The following ZNF18 variants were observed in gnomAD, a reference collection of about 807,000 sequenced individuals.
ZNF18 encodes the protein zinc finger protein 18.
Under a neutral mutation model 58.1 loss-of-function variants are expected in ZNF18, and 42 were observed. The observed-to-expected ratio is 0.72, with a 90% CI of 0.56 to 0.93. The LOEUF (loss-of-function observed/expected upper bound fraction) is 0.93, where lower values mean the gene tolerates loss of function less well. ZNF18 is among the 40% of genes least tolerant of loss of function. The pLI is 0.00. For missense variants in ZNF18, 540 were observed against 644.2 expected (o/e 0.84, Z 1.75); for synonymous variants, 231 against 239.8 (o/e 0.96, Z 0.34).
At chr17:11,996,824 C>G (rs942363996) in intron 1 of ZNF18, 1 of 152,190 alleles carries the variant, frequency 6.6e-6, no homozygotes, top group African/African-American at 2.4e-5. Context: ...GTGTACAGAT[C>G]AGGAACCTCC....
At chr17:11,993,976 A>G (rs1968308182) in intron 1 of ZNF18, among the ~76,000 whole-genome samples, 1 of 152,138 alleles carries the variant, frequency 6.6e-6, no homozygotes, top group Non-Finnish European at 1.5e-5. Context: ...GAAATATTAA[A>G]TCGCAAATAA....
intron 6 of ZNF18, among the ~76,000 whole-genome samples, chr17:11,982,257 G>A (rs1248957827): frequency 3.3e-5 from 5 of 152,168 alleles, no homozygotes; most frequent in Non-Finnish European, 7.3e-5. Context: ...GGCAGTAATC[G>A]ATATATTAAT....
chr17:11,991,251 A>C, intron 2 of ZNF18, 88 bp from the exon 3 acceptor site: 68 of 1,158,622 alleles, frequency 5.9e-5, no homozygotes, highest in Non-Finnish European at 7.4e-5. Context: ...ACAACAGATC[A>C]TAAGACAATT....
At chr17:11,979,121 A>T (rs1597944090) in intron 6 of ZNF18, among the ~76,000 whole-genome samples, 1 of 142,172 alleles carries the variant, frequency 7.0e-6, no homozygotes, top group Non-Finnish European at 1.6e-5. Flanking sequence ...AAAGATAAAT[A>T]TGGTAACTAA....
chr17:11,992,638 C>A lies in ZNF18; in HGVS notation c.192G>T (p.Lys64Asn). 2 of 1,614,242 alleles carry A rather than the reference C, an allele frequency of 1.2e-6. No individual in the cohort carries two copies. Among genetic ancestry groups the A allele is most frequent in the Non-Finnish European group, 1.7e-6 (2 of 1,180,046 alleles). Residue 64 changes from lysine (K) to asparagine (N), a missense_variant, in exon 2 of 7, where the codon AAG becomes AAT. Coordinates refer to ENST00000580306, the MANE Select transcript of ZNF18 (RefSeq NM_001303281.2). ...CTGGCTGTAGCCACTGGAAACAGAG[C>A]TTCCGAAGTTGCTTCAAGGTCTCAT... ...GPHETLKQLRKLCFQWLQPEV... is the reference protein window; with the variant it reads ...GPHETLKQLRNLCFQWLQPEV...
chr17:12,004,594 A>G, the ZNF18 span, among the ~76,000 whole-genome samples: 1 of 152,134 alleles, frequency 6.6e-6, no homozygotes, highest in African/African-American at 2.4e-5. Flanking sequence ...TCTACTAGAA[A>G]TGTGCGTTTA....
upstream of ZNF18, chr17:11,998,551 TATCATAAC>T (rs1968595115): frequency 6.7e-6 from 1 of 150,092 alleles, no homozygotes; most frequent in African/African-American, 2.4e-5. Context: ...TACCTGTCAT[TATCATAAC>T]ATGTCCTGTA....
the ZNF18 span, among the ~76,000 whole-genome samples, chr17:12,012,039 CA>C: frequency 1.3e-5 from 2 of 152,142 alleles, no homozygotes; most frequent in Non-Finnish European, 2.9e-5. Context: ...CTATTATGTT[CA>C]TGACATTTAC....
upstream of ZNF18, among the ~76,000 whole-genome samples, chr17:11,999,700 G>C (rs567631886): frequency 3.3e-5 from 5 of 152,322 alleles, no homozygotes; most frequent in Admixed American, 3.3e-4. Context: ...ATTTTGTAGG[G>C]TGAGCTGGAC....
At chr17:11,999,978 G>A (rs965156890), upstream of ZNF18, among the ~76,000 whole-genome samples, 2 of 152,268 alleles carry the variant, frequency 1.3e-5, no homozygotes, top group Non-Finnish European at 2.9e-5. Flanking sequence ...GCCCAATGTA[G>A]TGCCAGAATC....
At chr17:11,978,781 C>T in intron 6 of ZNF18, 37 bp from the exon 7 acceptor site, 1 of 1,360,524 alleles carries the variant, frequency 7.4e-7, no homozygotes, top group Non-Finnish European at 9.8e-7. Context: ...GGTTCAAGTG[C>T]TATGCCCTGT....
At chr17:11,990,278 A>G (rs1465009949) in intron 4 of ZNF18, among the ~76,000 whole-genome samples, 184 bp downstream of exon 4, 1 of 152,170 alleles carries the variant, frequency 6.6e-6, no homozygotes, top group East Asian at 1.9e-4. Context: ...CATAAGAACA[A>G]AGATAAGAGT....
At chr17:11,987,895 T>G (rs1315348533) in intron 4 of ZNF18, among the ~76,000 whole-genome samples, 1 of 152,174 alleles carries the variant, frequency 6.6e-6, no homozygotes, top group East Asian at 1.9e-4. Flanking sequence ...TTCTAGTTTT[T>G]ATATATCTGA....
At chr17:11,986,338 C>T (rs537580211) in intron 4 of ZNF18, among the ~76,000 whole-genome samples, 1 of 152,310 alleles carries the variant, frequency 6.6e-6, no homozygotes, top group African/African-American at 2.4e-5. Flanking sequence ...AATACACTCT[C>T]AGTCCTAAGT....
At chr17:11,991,288 C>T in intron 2 of ZNF18, 125 bp from the exon 3 acceptor site, 3 of 936,820 alleles carry the variant, frequency 3.2e-6, no homozygotes, top group Non-Finnish European at 4.6e-6. Flanking sequence ...AAGAGAAAAC[C>T]AGCTTTTATT....
Position 11,983,375 on chromosome 17 carries a change from TAGTC to T in ZNF18, c.780_783del (p.Thr261IlefsTer3), listed in dbSNP as rs1351785867. On this transcript the variant is annotated frameshift_variant, in exon 6 of 7. Coordinates refer to ENST00000580306, the MANE Select transcript of ZNF18 (RefSeq NM_001303281.2). LOFTEE classifies it high-confidence loss of function. ...AGCTCTTCCCCAAATTCTATTGAATTAGTCAGGTCAGATTTGGGATGGGAAATGC... is the reference window on the plus strand; with the variant it reads ...AGCTCTTCCCCAAATTCTATTGAATTAGGTCAGATTTGGGATGGGAAATGC... The T allele has an allele frequency of 9.9e-6, 16 of 1,614,082 alleles. 1 individual carries two copies. In the South Asian group the frequency reaches 1.2e-4, roughly 12 times the overall value.
the ZNF18 span, among the ~76,000 whole-genome samples, chr17:12,020,486 T>C: frequency 6.6e-6 from 1 of 152,182 alleles, no homozygotes; most frequent in Non-Finnish European, 1.5e-5. Flanking sequence ...GGGATCCTTT[T>C]CAGCTTTACT....
intron 6 of ZNF18, among the ~76,000 whole-genome samples, chr17:11,980,159 T>C (rs1271067663): frequency 2.6e-5 from 4 of 152,196 alleles, no homozygotes; most frequent in South Asian, 4.1e-4. Context: ...ATATGTGAAA[T>C]TGGGCAGAGG....
chr17:12,006,431 T>C, the ZNF18 span, among the ~76,000 whole-genome samples: 4 of 152,202 alleles, frequency 2.6e-5, no homozygotes, highest in African/African-American at 9.7e-5. Context: ...CTTAGGACTG[T>C]TAAGAGAATT....
Sources: allele counts gnomAD v4.1 joint callset (sites outside exome capture counted in the v4.1 genomes callset), GRCh38; gene constraint gnomAD v4.1.1; transcripts MANE v1.5; gene names NCBI Gene and HGNC (gene_info 2026-07-23, HGNC 2026-07-21).